DGKB: variants seen among roughly 807,000 people sequenced by gnomAD.
DGKB encodes diacylglycerol kinase beta, also known as 90 kDa diacylglycerol kinase.
DGKB carries 67 observed loss-of-function variants against 114.3 expected under a neutral mutation model. The observed-to-expected ratio is 0.59, with a 90% CI of 0.48 to 0.72. The LOEUF (loss-of-function observed/expected upper bound fraction) is 0.72, where lower values mean the gene tolerates loss of function less well. DGKB is among the 30% of genes least tolerant of loss of function. DGKB has a pLI of 0.00. For missense variants in DGKB, 907 were observed against 975.2 expected (o/e 0.93, Z 0.93); for synonymous variants, 398 against 323.1 (o/e 1.23, Z -2.49).
intron 1 of DGKB, among the ~76,000 whole-genome samples, chr7:14,911,193 AT>A (rs1347385622): frequency 1.6e-4 from 25 of 152,034 alleles, no homozygotes; most frequent in Admixed American, 1.6e-3. Context: ...GAAGGGCCAT[AT>A]TTTATTTGCT....
At chr7:14,331,554 C>A (rs911444843) in intron 23 of DGKB, among the ~76,000 whole-genome samples, 1 of 151,944 alleles carries the variant, frequency 6.6e-6, no homozygotes, top group African/African-American at 2.4e-5. Flanking sequence ...TTGCCATCAA[C>A]CTTCAAATAA....
chr7:14,572,287 CA>C (rs11333094), intron 20 of DGKB, among the ~76,000 whole-genome samples: 47,067 of 135,044 alleles, frequency 0.35, 8,302 homozygotes, highest in South Asian at 0.47. Flanking sequence ...ACTAAAAATA[CA>C]AAAAAAAAAA....
intron 1 of DGKB, among the ~76,000 whole-genome samples, chr7:14,845,220 T>A (rs1329454925): frequency 1.3e-5 from 2 of 151,144 alleles, no homozygotes; most frequent in African/African-American, 4.9e-5. Context: ...TGAACTGCCA[T>A]CCTTAGATCT....
intron 20 of DGKB, among the ~76,000 whole-genome samples, chr7:14,521,120 G>T (rs1434792492): frequency 6.6e-6 from 1 of 151,872 alleles, no homozygotes; most frequent in Admixed American, 6.6e-5. Context: ...TTATGTTGCT[G>T]CCTTCAAACT....
intron 20 of DGKB, among the ~76,000 whole-genome samples, chr7:14,500,664 G>A (rs979617028): frequency 2.6e-5 from 4 of 151,640 alleles, no homozygotes; most frequent in Non-Finnish European, 4.4e-5. Flanking sequence ...AAGCAGTCTC[G>A]TGGTGTTTTA....
chr7:14,690,304 G>A (rs1290874643), intron 9 of DGKB, among the ~76,000 whole-genome samples: 5 of 152,106 alleles, frequency 3.3e-5, no homozygotes, highest in Non-Finnish European at 7.4e-5. Context: ...CAACTGCCTG[G>A]TATAAAAATG....
chr7:14,931,157 G>C (rs976529994), intron 1 of DGKB, among the ~76,000 whole-genome samples: 1 of 150,330 alleles, frequency 6.7e-6, no homozygotes, highest in Admixed American at 6.6e-5. Context: ...TGTCGCCCAG[G>C]CTAGAGTGCA....
At chr7:14,723,479 A>AT (rs1310595812) in intron 5 of DGKB, among the ~76,000 whole-genome samples, 3 of 152,186 alleles carry the variant, frequency 2.0e-5, no homozygotes, top group African/African-American at 7.2e-5. Flanking sequence ...TTAAAGTAGT[A>AT]TAATCTGCAG....
chr7:14,904,278 C>A (rs1011451903), upstream of DGKB, among the ~76,000 whole-genome samples: 2 of 152,050 alleles, frequency 1.3e-5, no homozygotes, highest in African/African-American at 4.8e-5. Flanking sequence ...CTTTCAGCCT[C>A]CAGTTGTCTG....
intron 23 of DGKB, among the ~76,000 whole-genome samples, chr7:14,274,476 ATTATCT>A (rs1458088226): frequency 6.6e-6 from 1 of 151,968 alleles, no homozygotes; most frequent in Non-Finnish European, 1.5e-5. Flanking sequence ...TTGCTTTTAT[ATTATCT>A]TTATCACTTG....
intron 9 of DGKB, among the ~76,000 whole-genome samples, chr7:14,690,951 CTA>C (rs1822744983): frequency 6.6e-6 from 1 of 152,172 alleles, no homozygotes; most frequent in African/African-American, 2.4e-5. Context: ...CACTAACACT[CTA>C]TACCATTTCT....
chr7:14,318,500 A>G (rs979095113), intron 23 of DGKB, among the ~76,000 whole-genome samples: 22 of 152,250 alleles, frequency 1.4e-4, no homozygotes, highest in Admixed American at 1.0e-3. Context: ...ACTTCTCAAA[A>G]GAAGACATTT....
intron 23 of DGKB, among the ~76,000 whole-genome samples, chr7:14,216,813 G>A (rs1789058835): frequency 6.6e-6 from 1 of 151,334 alleles, no homozygotes; most frequent in Non-Finnish European, 1.5e-5. Context: ...GGAGGGAGGT[G>A]TGTGTGTTCT....
intron 23 of DGKB, among the ~76,000 whole-genome samples, chr7:14,204,516 AC>A (rs1786436376): frequency 6.6e-6 from 1 of 152,038 alleles, no homozygotes; most frequent in African/African-American, 2.4e-5. Flanking sequence ...CTCTCTACTT[AC>A]ATTTTAAATT....
At chr7:14,682,217 T>A (rs1276268763) in intron 12 of DGKB, among the ~76,000 whole-genome samples, 1 of 151,896 alleles carries the variant, frequency 6.6e-6, no homozygotes, top group Admixed American at 6.6e-5. Flanking sequence ...GAGAGCTGAG[T>A]TCTACCCAAA....
chr7:14,205,825 C>T (rs989833633), intron 23 of DGKB, among the ~76,000 whole-genome samples: 3 of 151,868 alleles, frequency 2.0e-5, no homozygotes, highest in South Asian at 4.1e-4. Context: ...AACCTTACTA[C>T]GTATGGGAAG....
Position 14,621,527 on chromosome 7 carries a change from A to G in DGKB, c.1168-33T>C, listed in dbSNP as rs1429919605. On this transcript the variant is annotated intron_variant, in intron 14 of 25. Transcript: ENST00000402815. Reference sequence around the variant, plus strand: ...AAAGAAAATTTTGATAAAAATAAAAATTAGGAAAATAACATAATAAAATGT... The same window carrying G: ...AAAGAAAATTTTGATAAAAATAAAAGTTAGGAAAATAACATAATAAAATGT... 7 of 1,275,704 alleles carry G rather than the reference A, an allele frequency of 5.5e-6. No homozygotes were observed. In the African/African-American group the frequency reaches 7.6e-5, roughly 14 times the overall value. 79.0% of individuals were successfully genotyped at this position (1,275,704 alleles called of 1,614,324 possible).
intron 21 of DGKB, among the ~76,000 whole-genome samples, chr7:14,399,322 T>G (rs938144000): frequency 5.9e-5 from 9 of 151,856 alleles, no homozygotes; most frequent in Non-Finnish European, 1.2e-4. Context: ...ATGGAGCTAT[T>G]TATGTGAGAA....
At chr7:14,323,810 C>T (rs1276269908) in intron 23 of DGKB, among the ~76,000 whole-genome samples, 1 of 152,150 alleles carries the variant, frequency 6.6e-6, no homozygotes, top group Non-Finnish European at 1.5e-5. Context: ...ATTCACATTT[C>T]TGGTCTTGGC....
Sources: gnomAD v4.1 joint callset for allele counts (sites outside exome capture counted in the v4.1 genomes callset) on GRCh38, gnomAD v4.1.1 for gene constraint, MANE v1.5 for transcripts, NCBI Gene and HGNC (gene_info 2026-07-23, HGNC 2026-07-21) for gene names.